NR2F1-AS1: variants seen among roughly 807,000 people sequenced by gnomAD.
NR2F1-AS1 encodes NR2F1 antisense RNA 1.
rs1752964301 is a variant in NR2F1-AS1, at chr5:93,579,241, C to G, written n.313+1226G>C. 6.6e-6 allele frequency among the ~76,000 whole-genome samples: 1 copy of G among 152,120 alleles called. No homozygotes were observed. The highest frequency in any genetic ancestry group is 1.5e-5 in the Non-Finnish European group (1 of 68,016). Reference sequence around the variant, plus strand: ...AGGAGTGCGAGCCGCTCCCCTCCTCCGAAAAGCCGCGGGCTTCCGCTGCTC... The same window carrying G: ...AGGAGTGCGAGCCGCTCCCCTCCTCGGAAAAGCCGCGGGCTTCCGCTGCTC... On this transcript the variant is annotated intron_variant and non_coding_transcript_variant, in intron 1 of 5. Coordinates refer to ENST00000660523, the Ensembl canonical transcript of NR2F1-AS1. This position sits in a 1 kb window ranked among gnomAD's most constrained non-coding sequence, Gnocchi z 5.1.
intron 4 of NR2F1-AS1, among the ~76,000 whole-genome samples, chr5:93,413,887 T>C (rs538269477): frequency 1.3e-4 from 20 of 152,200 alleles, no homozygotes; most frequent in Non-Finnish European, 2.4e-4. Flanking sequence ...TATAAAGGCA[T>C]TTCTCTAAGA....
intron 4 of NR2F1-AS1, among the ~76,000 whole-genome samples, chr5:93,490,092 A>C (rs1008498245): frequency 6.6e-6 from 1 of 152,206 alleles, no homozygotes; most frequent in African/African-American, 2.4e-5. Flanking sequence ...ACTTGGTGCA[A>C]TTATTGTTAT....
At chr5:93,461,444 C>G (rs1750090916) in intron 4 of NR2F1-AS1, among the ~76,000 whole-genome samples, 1 of 152,058 alleles carries the variant, frequency 6.6e-6, no homozygotes, top group African/African-American at 2.4e-5. Context: ...ACATGTTTAC[C>G]TATGTAACAA....
chr5:93,542,535 C>T (rs201133030), intron 4 of NR2F1-AS1: 1 of 152,114 alleles, frequency 6.6e-6, no homozygotes, highest in Non-Finnish European at 1.5e-5. Flanking sequence ...AAAAAATCAT[C>T]CCCAGTTGAA....
chr5:93,481,017 T>C (rs1260200808), intron 4 of NR2F1-AS1, among the ~76,000 whole-genome samples: 1 of 152,060 alleles, frequency 6.6e-6, no homozygotes, highest in Non-Finnish European at 1.5e-5. Context: ...AAGTTCTTCA[T>C]GATCAGTTGG....
chr5:93,532,425 G>C (rs1751754371), intron 4 of NR2F1-AS1, among the ~76,000 whole-genome samples: 1 of 151,868 alleles, frequency 6.6e-6, no homozygotes, highest in Non-Finnish European at 1.5e-5. Flanking sequence ...GAGAGGGAGG[G>C]GATTGTGCAA....
intron 4 of NR2F1-AS1, among the ~76,000 whole-genome samples, chr5:93,440,209 C>G (rs912389900): frequency 6.6e-6 from 1 of 151,642 alleles, no homozygotes; most frequent in Admixed American, 6.5e-5. Flanking sequence ...CTCTCTCTCT[C>G]TCTCTCTCTC....
At position 93,471,554 on chromosome 5, in the gene NR2F1-AS1, T is replaced by A. The variant is rs575779914; in HGVS notation, n.639-76012A>T. ...AAATGTATATAAAATATATGAAAAA[T>A]TTCTGTAGTAATTACACCTTTGGTT... On this transcript the variant is annotated intron_variant and non_coding_transcript_variant, in intron 4 of 5. Transcript: ENST00000660523. Among the ~76,000 whole-genome samples the A allele has an allele frequency of 3.3e-5, 5 of 151,838 alleles. No individual in the cohort carries two copies. The South Asian group carries it at 8.3e-4, about 25-fold the overall frequency.
chr5:93,425,805 A>G (rs1270149779), intron 4 of NR2F1-AS1, among the ~76,000 whole-genome samples: 1 of 152,042 alleles, frequency 6.6e-6, no homozygotes, highest in Admixed American at 6.6e-5. Context: ...GAATTGTATT[A>G]TAGTTATTTA....
intron 4 of NR2F1-AS1, among the ~76,000 whole-genome samples, chr5:93,469,835 G>C (rs967349684): frequency 6.6e-6 from 1 of 151,996 alleles, no homozygotes; most frequent in African/African-American, 2.4e-5. Context: ...CAATGCAAAA[G>C]GGTGACTATA....
At chr5:93,447,013 A>T (rs1749726030) in intron 4 of NR2F1-AS1, among the ~76,000 whole-genome samples, 1 of 152,224 alleles carries the variant, frequency 6.6e-6, no homozygotes, top group Non-Finnish European at 1.5e-5. Context: ...TAGAAAGCTG[A>T]AACTGGATCC....
intron 4 of NR2F1-AS1, among the ~76,000 whole-genome samples, chr5:93,417,356 C>G (rs993266196): frequency 6.6e-6 from 1 of 152,250 alleles, no homozygotes; most frequent in Non-Finnish European, 1.5e-5. Flanking sequence ...ATTAATAAAT[C>G]TAAAAAGCCA....
At chr5:93,424,654 A>G (rs1421183419) in intron 4 of NR2F1-AS1, among the ~76,000 whole-genome samples, 1 of 152,192 alleles carries the variant, frequency 6.6e-6, no homozygotes, top group East Asian at 1.9e-4. Flanking sequence ...TACTGATTAA[A>G]GCAGGAAATC....
intron 4 of NR2F1-AS1, among the ~76,000 whole-genome samples, chr5:93,507,474 C>T (rs1418717782): frequency 6.6e-6 from 1 of 152,188 alleles, no homozygotes; most frequent in African/African-American, 2.4e-5. Context: ...TCTCCCACCT[C>T]AGCCCCCCAA....
intron 4 of NR2F1-AS1, among the ~76,000 whole-genome samples, chr5:93,553,465 G>A (rs1752279318): frequency 2.0e-5 from 3 of 152,146 alleles, no homozygotes; most frequent in Admixed American, 6.5e-5. Flanking sequence ...ATTCAAATAA[G>A]AGTCATGAAT....
intron 4 of NR2F1-AS1, among the ~76,000 whole-genome samples, chr5:93,483,553 T>G (rs757811485): frequency 1.3e-5 from 2 of 152,104 alleles, no homozygotes; most frequent in Non-Finnish European, 2.9e-5. Context: ...CTCCAAAGGA[T>G]CACTACTCCT....
chr5:93,420,585 T>A (rs1269545873), intron 4 of NR2F1-AS1, among the ~76,000 whole-genome samples: 1 of 152,140 alleles, frequency 6.6e-6, no homozygotes, highest in African/African-American at 2.4e-5. Flanking sequence ...AAAAAGGATT[T>A]TTTTAAAGGA....
intron 4 of NR2F1-AS1, among the ~76,000 whole-genome samples, chr5:93,513,150 G>T (rs543517265): frequency 6.6e-6 from 1 of 152,066 alleles, no homozygotes; most frequent in Non-Finnish European, 1.5e-5. Flanking sequence ...GATTATTGAA[G>T]AGTAAAAAAA....
intron 4 of NR2F1-AS1, among the ~76,000 whole-genome samples, chr5:93,438,307 T>C (rs1191214986): frequency 1.3e-5 from 2 of 152,232 alleles, no homozygotes; most frequent in African/African-American, 2.4e-5. Flanking sequence ...TGACTGCTGC[T>C]TGAAACTGCT....
Sources: allele counts gnomAD v4.1 joint callset (sites outside exome capture counted in the v4.1 genomes callset), GRCh38; gene constraint gnomAD v4.1.1; non-coding constraint Gnocchi (gnomAD v3.1); transcripts MANE v1.5; gene names NCBI Gene and HGNC (gene_info 2026-07-23, HGNC 2026-07-21).